The following GREB1L variants were observed in gnomAD, a reference collection of about 807,000 sequenced individuals.
GREB1L encodes the protein GREB1 like retinoic acid receptor coactivator.
GREB1L carries 17 observed loss-of-function variants against 200.8 expected under a neutral mutation model. The observed-to-expected ratio is 0.08, with a 90% CI of 0.06 to 0.13. The LOEUF (loss-of-function observed/expected upper bound fraction) is 0.13, where lower values mean the gene tolerates loss of function less well. Among genes scored for constraint, GREB1L ranks in the 10% least tolerant of loss-of-function variants. The pLI is 1.00. For missense variants in GREB1L, 1,657 were observed against 2,367.7 expected, an observed-to-expected ratio of 0.70 and a Z score of 6.23; for synonymous variants, 789 against 893.0, an observed-to-expected ratio of 0.88 and a Z score of 2.08.
intron 1 of GREB1L, among the ~76,000 whole-genome samples, chr18:21,253,184 T>C (rs75244339): frequency 0.024 from 3,688 of 152,234 alleles, 156 homozygotes; most frequent in African/African-American, 0.084. Flanking sequence ...TGGTTTACCA[T>C]ATTGTTTCAC....
intron 1 of GREB1L, among the ~76,000 whole-genome samples, chr18:21,334,321 G>A (rs533059829): frequency 3.4e-4 from 52 of 152,284 alleles, no homozygotes; most frequent in African/African-American, 1.1e-3. Flanking sequence ...GAAATTTTGA[G>A]TTTTGAGCAG....
At chr18:21,373,459 G>A (rs1412582021) in intron 2 of GREB1L, among the ~76,000 whole-genome samples, 2 of 151,984 alleles carry the variant, frequency 1.3e-5, no homozygotes, top group African/African-American at 2.4e-5. Flanking sequence ...TCAGTCTCCC[G>A]AGTAGCTGGG....
intron 15 of GREB1L, among the ~76,000 whole-genome samples, chr18:21,456,639 T>G (rs1351588185): frequency 1.3e-5 from 2 of 152,178 alleles, no homozygotes; most frequent in African/African-American, 4.8e-5. Context: ...TGGTTGACAG[T>G]GCAGTCTTCT....
rs529945928 is a variant in GREB1L at position 21,490,036 on chromosome 18, C to G, written c.2715C>G (p.Val905=). 3.9e-6 allele frequency: 6 copies of G among 1,551,556 alleles called. No individual in the cohort carries two copies. Residue 905 remains valine (V), a synonymous_variant, in exon 19 of 33, where the codon GTC becomes GTG. Transcript: ENST00000424526. ...LERYPRLHSM[V]VRCYLLIQQY... ...GGTACCCCAGGCTGCACAGCATGGT[C>G]GTCCGCTGCTATCTTCTCATCCAGC...
At chr18:21,267,047 C>T (rs538148332) in intron 1 of GREB1L, among the ~76,000 whole-genome samples, 31 of 152,210 alleles carry the variant, frequency 2.0e-4, no homozygotes, top group South Asian at 4.2e-4. Flanking sequence ...GATTCTCCTA[C>T]CTCAGTCTGC....
At chr18:21,378,257 G>A (rs923721084) in intron 2 of GREB1L, among the ~76,000 whole-genome samples, 5 of 152,136 alleles carry the variant, frequency 3.3e-5, no homozygotes, top group Non-Finnish European at 5.9e-5. Flanking sequence ...TTACACAGAC[G>A]TCCTTTGAAC....
At chr18:21,426,988 CA>C (rs58330283) in intron 7 of GREB1L, among the ~76,000 whole-genome samples, 30,179 of 117,608 alleles carry the variant, frequency 0.26, 4,046 homozygotes, top group East Asian at 0.47. Flanking sequence ...AAAAAAAAAA[CA>C]AAAAAAAAAA....
intron 2 of GREB1L, among the ~76,000 whole-genome samples, chr18:21,381,867 A>G (rs938173702): frequency 1.3e-5 from 2 of 152,208 alleles, no homozygotes; most frequent in African/African-American, 4.8e-5. Flanking sequence ...GAATGTAGAC[A>G]TGATGCTTTG....
At chr18:21,378,266 A>G (rs934816798) in intron 2 of GREB1L, among the ~76,000 whole-genome samples, 6 of 151,892 alleles carry the variant, frequency 4.0e-5, no homozygotes, top group African/African-American at 1.5e-4. Context: ...CGTCCTTTGA[A>G]CTCCACCCTT....
At chr18:21,350,989 T>C (rs80141224) in intron 1 of GREB1L, among the ~76,000 whole-genome samples, 1 of 152,068 alleles carries the variant, frequency 6.6e-6, no homozygotes, top group Non-Finnish European at 1.5e-5. Flanking sequence ...GTGGTGGTGG[T>C]GGGGGAGTTT....
chr18:21,487,063 C>T (rs2036155391), intron 18 of GREB1L, among the ~76,000 whole-genome samples: 2 of 152,228 alleles, frequency 1.3e-5, no homozygotes, highest in African/African-American at 4.8e-5. Context: ...AAAGTCTTAA[C>T]TGACACTGTG....
chr18:21,410,734 T>TA (rs113606744), intron 7 of GREB1L, among the ~76,000 whole-genome samples: 48,137 of 143,860 alleles, frequency 0.33, 10,643 homozygotes, highest in African/African-American at 0.61. Context: ...CACCATAGAG[T>TA]AAAAAAAAAA....
Position 21,452,091 on chromosome 18 carries a change from C to T in GREB1L, c.1858C>T (p.Leu620=). Residue 620 remains leucine (L), a synonymous_variant, in exon 14 of 33, where the codon CTA becomes TTA. Coordinates refer to ENST00000424526, the MANE Select transcript of GREB1L (RefSeq NM_001142966.3). ...TCTCTATTTTGTAATAGGCGATGAC[C>T]TAGACAAGCTGCTGGAAAAAATGCA... is the stretch of plus-strand genomic sequence containing the variant. ...HFKTTSLGDD[L]DKLLEKMQQR... is the part of the protein sequence containing the mutation. 1.3e-6 allele frequency: 2 copies of T among 1,546,634 alleles called. No homozygotes were observed. The highest frequency in any genetic ancestry group is 1.7e-6 in the Non-Finnish European group (2 of 1,146,772).
intron 1 of GREB1L, among the ~76,000 whole-genome samples, chr18:21,343,986 G>A (rs993844998): frequency 4.6e-5 from 7 of 152,072 alleles, no homozygotes; most frequent in Non-Finnish European, 8.8e-5. Flanking sequence ...TGTTGGCCAG[G>A]CTGGTCTTGA....
At chr18:21,426,992 A>G (rs796490617) in intron 7 of GREB1L, among the ~76,000 whole-genome samples, 1 of 139,644 alleles carries the variant, frequency 7.2e-6, no homozygotes, top group Non-Finnish European at 1.5e-5. Flanking sequence ...AAAAAACAAA[A>G]AAAAAAAACT....
chr18:21,341,834 G>A (rs191263010), intron 1 of GREB1L, among the ~76,000 whole-genome samples: 13 of 152,222 alleles, frequency 8.5e-5, no homozygotes, highest in African/African-American at 2.9e-4. Flanking sequence ...TTAGGTGTAA[G>A]GTCTTTCCTT....
intron 1 of GREB1L, among the ~76,000 whole-genome samples, chr18:21,313,982 G>A (rs2038830162): frequency 6.6e-6 from 1 of 152,044 alleles, no homozygotes; most frequent in African/African-American, 2.4e-5. Context: ...TTAAGTAAAC[G>A]AAATAACTGT....
Position 21,499,979 on chromosome 18 carries a change from G to T in GREB1L, c.3642G>T (p.Pro1214=), listed in dbSNP as rs771705091. 22 of 1,551,328 alleles carry T rather than the reference G, an allele frequency of 1.4e-5. No homozygotes were observed. The South Asian group carries it at 2.6e-4, about 18-fold the overall frequency. Residue 1214 remains proline, a synonymous_variant, in exon 22 of 33, where the codon CCG becomes CCT. Transcript: ENST00000424526. The stretch of plus-strand genomic sequence containing the variant: ...CAGGACCCAGGACCCTCCCATGGCC[G>T]GGACAGCCCATCAGAGGCTGCCGGG... ...SSSGPRTLPW[P]GQPIRGCRGP...
chr18:21,494,080 GT>G (rs2036450589), intron 19 of GREB1L, among the ~76,000 whole-genome samples: 1 of 151,908 alleles, frequency 6.6e-6, no homozygotes, highest in Non-Finnish European at 1.5e-5. Flanking sequence ...TTCCAGAATG[GT>G]TTGCTTTAAA....
Sources: allele counts gnomAD v4.1 joint callset (sites outside exome capture counted in the v4.1 genomes callset), GRCh38; gene constraint gnomAD v4.1.1; transcripts MANE v1.5; gene names NCBI Gene and HGNC (gene_info 2026-07-23, HGNC 2026-07-21).